Variants in KAZN observed in about 807,000 individuals in gnomAD.
The protein encoded by KAZN is kazrin.
A neutral mutation model predicts 87.4 loss-of-function variants in KAZN; 40 were observed. The observed-to-expected ratio is 0.46, with a 90% CI of 0.36 to 0.60. The LOEUF (loss-of-function observed/expected upper bound fraction) is 0.60. Among genes scored for constraint, KAZN ranks in the 20% least tolerant of loss-of-function variants. The pLI, the probability that KAZN is intolerant of heterozygous loss-of-function variation, is 0.00. For synonymous variants in KAZN, 466 were observed against 458.3 expected (o/e 1.02, Z -0.22); for missense variants, 898 against 1,073.9 (o/e 0.84, Z 2.29).
intron 1 of KAZN, among the ~76,000 whole-genome samples, chr1:14,079,195 G>A (rs1204068005): frequency 6.6e-6 from 1 of 152,232 alleles, no homozygotes; most frequent in Non-Finnish European, 1.5e-5. Flanking sequence ...GAACAGACAT[G>A]TCACATGGCA....
At chr1:14,095,541 A>C (rs1283352343) in intron 1 of KAZN, among the ~76,000 whole-genome samples, 1 of 152,196 alleles carries the variant, frequency 6.6e-6, no homozygotes, top group African/African-American at 2.4e-5. Flanking sequence ...CTGGGGATCC[A>C]GGTTGGAAGA....
At chr1:14,955,990 G>A (rs747596031) in intron 1 of KAZN, among the ~76,000 whole-genome samples, 17 of 152,126 alleles carry the variant, frequency 1.1e-4, no homozygotes, top group Non-Finnish European at 2.9e-5. Flanking sequence ...ATATAGGTTG[G>A]GACATATACT....
chr1:14,759,998 C>T (rs576690704), intron 1 of KAZN, among the ~76,000 whole-genome samples: 3 of 152,156 alleles, frequency 2.0e-5, no homozygotes, highest in East Asian at 3.9e-4. Context: ...CCCCTCCTCC[C>T]GTGACTGACC....
chr1:14,796,444 C>T (rs1301289177), intron 1 of KAZN, among the ~76,000 whole-genome samples: 1 of 152,224 alleles, frequency 6.6e-6, no homozygotes, highest in Non-Finnish European at 1.5e-5. Flanking sequence ...CATGGCTCCA[C>T]AGACCTTGTC....
intron 1 of KAZN, among the ~76,000 whole-genome samples, chr1:14,080,587 C>T (rs1643636337): frequency 6.6e-6 from 1 of 152,222 alleles, no homozygotes; most frequent in Non-Finnish European, 1.5e-5. Flanking sequence ...TACCAGGCTC[C>T]TTCAGTACCT....
chr1:14,947,314 G>A (rs2101680665), intron 1 of KAZN, among the ~76,000 whole-genome samples: 1 of 152,314 alleles, frequency 6.6e-6, no homozygotes, highest in East Asian at 1.9e-4. Flanking sequence ...TGGATGGAAA[G>A]TCCTGCACAG....
intron 2 of KAZN, among the ~76,000 whole-genome samples, chr1:14,283,397 G>A (rs1652998234): frequency 6.6e-6 from 1 of 152,100 alleles, no homozygotes; most frequent in Non-Finnish European, 1.5e-5. Context: ...GACATGAAGA[G>A]GAAATAACTC....
At position 13,945,679 on chromosome 1, in the gene KAZN, TTG is replaced by T. The variant is rs60728794; in HGVS notation, c.91+51954_91+51955del. Reference sequence around the variant, plus strand: ...TTTTTAAATGACATTTGCTCTCAGTTTGTGTGTGTGTGTGTGTGTGTGTGTGT... The same window carrying T: ...TTTTTAAATGACATTTGCTCTCAGTTTGTGTGTGTGTGTGTGTGTGTGTGT... On this transcript the variant is annotated intron_variant, in intron 1 of 16. Coordinates refer to the KAZN transcript ENST00000636203. Among the ~76,000 whole-genome samples the T allele has an allele frequency of 4.9e-4, 60 of 123,404 alleles. No homozygotes were observed. In the South Asian group the frequency reaches 8.5e-3, roughly 18 times the overall value. The allele number at this position is 123,404 out of a possible 152,430, so 81.0% of individuals were successfully genotyped here. A position where few individuals can be genotyped will look rare whatever the true frequency, so the allele number is the denominator to read the frequency against.
At chr1:15,070,352 G>A (rs929168775) in intron 8 of KAZN, among the ~76,000 whole-genome samples, 5 of 152,252 alleles carry the variant, frequency 3.3e-5, no homozygotes, top group African/African-American at 1.2e-4. Context: ...GGGGGAATCA[G>A]AGCAGAAACC....
chr1:14,451,929 C>CT lies in KAZN; in HGVS notation c.250-147053dup, dbSNP rs201801265. Among the ~76,000 whole-genome samples the CT allele has an allele frequency of 1.7e-3, 265 of 151,774 alleles. 1 individual carries two copies. Among genetic ancestry groups the CT allele is most frequent in the African/African-American group, 5.7e-3 (237 of 41,442 alleles). ...GGACGCTGTTTTGGGATGAGATTAA[C>CT]TCTTTTTTGTTTTGTTTTGTTTTGT... On this transcript the variant is annotated intron_variant, in intron 2 of 16. Transcript: ENST00000636203.
chr1:14,136,364 C>T (rs933042612), intron 1 of KAZN, among the ~76,000 whole-genome samples: 3 of 152,146 alleles, frequency 2.0e-5, no homozygotes, highest in Non-Finnish European at 4.4e-5. Context: ...TAGCCCTCAC[C>T]TCACAGAGTG....
chr1:14,424,391 G>C (rs1665597285), intron 2 of KAZN, among the ~76,000 whole-genome samples: 1 of 152,170 alleles, frequency 6.6e-6, no homozygotes, highest in Non-Finnish European at 1.5e-5. Flanking sequence ...GCAAGTAACA[G>C]CACCAGGGTA....
intron 2 of KAZN, among the ~76,000 whole-genome samples, chr1:14,421,884 C>T (rs1301906762): frequency 3.9e-5 from 6 of 152,158 alleles, no homozygotes; most frequent in Admixed American, 2.6e-4. Context: ...AACTCTTCCC[C>T]TTGTCTGAAT....
intron 2 of KAZN, among the ~76,000 whole-genome samples, chr1:15,008,366 G>A (rs571710482): frequency 1.1e-4 from 16 of 152,282 alleles, no homozygotes; most frequent in Admixed American, 9.2e-4. Flanking sequence ...GAGAGTAGTC[G>A]GCCTTGCTGC....
intron 1 of KAZN, among the ~76,000 whole-genome samples, chr1:14,757,907 A>T (rs1644613657): frequency 1.3e-5 from 2 of 152,108 alleles, no homozygotes; most frequent in African/African-American, 4.8e-5. Context: ...GAAGGGAGGG[A>T]GGAAAGAGAG....
chr1:14,229,369 CA>C (rs1647594553), intron 2 of KAZN, among the ~76,000 whole-genome samples: 1 of 152,094 alleles, frequency 6.6e-6, no homozygotes, highest in Admixed American at 6.5e-5. Flanking sequence ...GAAAATATAA[CA>C]TTTTTAGAAT....
At chr1:14,673,385 C>CCTTCTTGGAAGGCTT (rs1553207431) in intron 1 of KAZN, among the ~76,000 whole-genome samples, 3 of 152,190 alleles carry the variant, frequency 2.0e-5, no homozygotes, top group African/African-American at 7.2e-5. Context: ...TTGCACTGAG[C>CCTTCTTGGAAGGCTT]CTTTGTTTCC....
Position 15,056,061 on chromosome 1 carries a change from T to G in KAZN, c.727-30T>G. The stretch of plus-strand genomic sequence containing the variant: ...GCCAAGAGTTCCCCTTGATCATGAC[T>G]TCTTCTTCCTGTCTTCTTGCTCTCT... On this transcript the variant is annotated intron_variant, in intron 4 of 14. Coordinates refer to ENST00000376030, the MANE Select transcript of KAZN (RefSeq NM_201628.3). The surrounding 1 kb of genome is among the most constrained non-coding windows in gnomAD (Gnocchi z 5.4). The G allele has an allele frequency of 6.3e-7, 1 of 1,579,196 alleles. No individual in the cohort carries two copies. The highest frequency in any genetic ancestry group is 8.7e-7 in the Non-Finnish European group (1 of 1,154,584).
chr1:13,947,692 T>C (rs191232621), intron 1 of KAZN, among the ~76,000 whole-genome samples: 1 of 152,328 alleles, frequency 6.6e-6, no homozygotes, highest in African/African-American at 2.4e-5. Flanking sequence ...TTTTGGAGGC[T>C]GGAAGTCTCA....
Sources: gnomAD v4.1 joint callset for allele counts (sites outside exome capture counted in the v4.1 genomes callset) on GRCh38, gnomAD v4.1.1 for gene constraint, Gnocchi (gnomAD v3.1) non-coding constraint, MANE v1.5 for transcripts, NCBI Gene and HGNC (gene_info 2026-07-23, HGNC 2026-07-21) for gene names.